The following IRAK1BP1 variants were observed in gnomAD, a reference collection of about 807,000 sequenced individuals.
IRAK1BP1 encodes the protein interleukin 1 receptor associated kinase 1 binding protein 1, also known as interleukin-1 receptor-associated kinase 1-binding protein 1.
A neutral mutation model predicts 28.0 loss-of-function variants in IRAK1BP1; 24 were observed. The ratio of observed to expected loss-of-function variants is 0.86; its 90% CI spans 0.62 to 1.20. IRAK1BP1 has a LOEUF of 1.20. Ranked by LOEUF, IRAK1BP1 falls within the 50% of genes most tolerant of loss-of-function variation. The pLI is 0.00. For missense variants in IRAK1BP1, 336 were observed against 316.7 expected, an observed-to-expected ratio of 1.06 and a Z score of -0.46; for synonymous variants, 131 against 116.3, an observed-to-expected ratio of 1.13 and a Z score of -0.81.
chr6:78,932,645 C>T (rs1773091163), intron 4 of IRAK1BP1, among the ~76,000 whole-genome samples: 1 of 152,016 alleles, frequency 6.6e-6, no homozygotes, highest in South Asian at 2.1e-4. Context: ...TCTTGAACTC[C>T]TGACCTCAGG....
rs919259345 is a variant in IRAK1BP1 at position 78,890,790 on chromosome 6, A to G, written c.381+5347A>G. Among the ~76,000 whole-genome samples, 73 of 152,198 alleles carry G rather than the reference A, an allele frequency of 4.8e-4. 1 individual carries two copies. Among genetic ancestry groups the G allele is most frequent in the Non-Finnish European group, 5.3e-4 (36 of 68,034 alleles). On this transcript the variant is annotated intron_variant, in intron 2 of 3. Coordinates refer to ENST00000369940, the MANE Select transcript of IRAK1BP1 (RefSeq NM_001010844.4). ...CTAGAAATCCTTACCTGGCCAAAAA[A>G]CAATGAAGGAGACGGTAATACAAGG...
chr6:78,968,545 T>C, the IRAK1BP1 span, among the ~76,000 whole-genome samples: 1 of 152,220 alleles, frequency 6.6e-6, no homozygotes, highest in Admixed American at 6.5e-5. Context: ...TTGGTATCCA[T>C]GGAGGTCCTG....
At chr6:78,933,324 C>G (rs772682248) in intron 4 of IRAK1BP1, among the ~76,000 whole-genome samples, 14 of 152,140 alleles carry the variant, frequency 9.2e-5, no homozygotes, top group Non-Finnish European at 1.9e-4. Flanking sequence ...TTTCCTTAAA[C>G]ATCATGAACC....
rs1270510993 is a variant in IRAK1BP1 at position 78,915,771 on chromosome 6, T to A, written c.*67+12661T>A. Among the ~76,000 whole-genome samples the A allele has an allele frequency of 2.0e-5, 3 of 152,232 alleles. No individual in the cohort carries two copies. In the East Asian group the frequency reaches 5.8e-4, roughly 29 times the overall value. On this transcript the variant is annotated intron_variant and NMD_transcript_variant, in intron 4 of 4. Coordinates refer to the IRAK1BP1 transcript ENST00000606868. ...GCCTTTCCTGGCTCCCTTCCCACTT[T>A]CTTTTGTAGGCATTTCTTTTATTAT... is the stretch of plus-strand genomic sequence containing the variant.
In IRAK1BP1 at chr6:78,898,869, T is replaced by C. The variant is rs1772000229; in HGVS notation, c.*535T>C. 6.6e-6 allele frequency: 1 copy of C among 152,170 alleles called. No homozygotes were observed. The highest frequency in any genetic ancestry group is 1.5e-5 in the Non-Finnish European group (1 of 68,034). The allele number at this position is 152,170 out of a possible 1,614,324, so 9.4% of individuals were successfully genotyped here. On this transcript the variant is annotated 3_prime_UTR_variant, in exon 4 of 4. Coordinates refer to ENST00000369940, the MANE Select transcript of IRAK1BP1 (RefSeq NM_001010844.4). ...AATACATAATTTTAAGTGCATCCTGTCAGGTCTGATATTTAATTTTACTTT... is the reference window on the plus strand; with the variant it reads ...AATACATAATTTTAAGTGCATCCTGCCAGGTCTGATATTTAATTTTACTTT...
rs562287473 is a variant in IRAK1BP1 at position 78,888,684 on chromosome 6, A to G, written c.381+3241A>G. Among the ~76,000 whole-genome samples the G allele has an allele frequency of 2.3e-4, 35 of 151,994 alleles. No homozygotes were observed. The South Asian group carries it at 6.2e-3, about 27-fold the overall frequency. The stretch of plus-strand genomic sequence containing the variant: ...AGGCACCTGGCTAATTTTTGTATTT[A>G]TAGTAGAGATGGGATTTCACCATGT... On this transcript the variant is annotated intron_variant, in intron 2 of 3. Coordinates refer to ENST00000369940, the MANE Select transcript of IRAK1BP1 (RefSeq NM_001010844.4).
chr6:78,971,799 C>T, the IRAK1BP1 span, among the ~76,000 whole-genome samples: 1 of 152,146 alleles, frequency 6.6e-6, no homozygotes, highest in African/African-American at 2.4e-5. Context: ...TCACTCCCAC[C>T]CGAATACTGC....
At chr6:78,970,573 A>G in the IRAK1BP1 span, among the ~76,000 whole-genome samples, 1 of 152,142 alleles carries the variant, frequency 6.6e-6, no homozygotes, top group Non-Finnish European at 1.5e-5. Context: ...CCCAACCCAT[A>G]AACTGCATTG....
the IRAK1BP1 span, chr6:78,957,895 T>G: frequency 6.6e-6 from 1 of 152,036 alleles, no homozygotes; most frequent in African/African-American, 2.4e-5. Flanking sequence ...AACTTGACTT[T>G]GAAGAAGAAT....
At chr6:78,935,240 T>G (rs1773227692) in intron 4 of IRAK1BP1, among the ~76,000 whole-genome samples, 1 of 152,170 alleles carries the variant, frequency 6.6e-6, no homozygotes, top group Non-Finnish European at 1.5e-5. Context: ...TAGAAATTTA[T>G]TATATACAAA....
At chr6:78,944,030 A>G (rs1773664691) in intron 4 of IRAK1BP1, among the ~76,000 whole-genome samples, 2 of 147,862 alleles carry the variant, frequency 1.4e-5, no homozygotes, top group East Asian at 4.0e-4. Flanking sequence ...GCTTGATTCT[A>G]TCTAAAGAAG....
chr6:78,885,602 A>G (rs575229275), intron 2 of IRAK1BP1, among the ~76,000 whole-genome samples, 159 bp downstream of exon 2: 9 of 152,272 alleles, frequency 5.9e-5, no homozygotes, highest in Non-Finnish European at 1.2e-4. Context: ...TTCGGCTTTT[A>G]AATAAACTTG....
At chr6:78,892,399 A>G (rs1466165745) in intron 2 of IRAK1BP1, among the ~76,000 whole-genome samples, 44 of 152,210 alleles carry the variant, frequency 2.9e-4, no homozygotes, top group Admixed American at 2.9e-3. Context: ...AATTCAGCTT[A>G]TAGTCATAAT....
intron 4 of IRAK1BP1, among the ~76,000 whole-genome samples, chr6:78,923,506 T>C (rs570359379): frequency 2.0e-5 from 3 of 152,250 alleles, no homozygotes; most frequent in Admixed American, 2.0e-4. Context: ...ATTAGACAGA[T>C]CATGAGACAG....
chr6:78,940,942 C>T, intron 4 of IRAK1BP1: 1 of 1,613,976 alleles, frequency 6.2e-7, no homozygotes, highest in Non-Finnish European at 8.5e-7. Context: ...GGTTACTTCT[C>T]CTTAACACTT....
the IRAK1BP1 span, among the ~76,000 whole-genome samples, chr6:78,952,470 G>A: frequency 6.7e-6 from 1 of 149,980 alleles, no homozygotes; most frequent in Non-Finnish European, 1.5e-5. Context: ...AAAATTCTTG[G>A]CCATTAGCTC....
chr6:78,878,119 C>T (rs1015240819), intron 1 of IRAK1BP1, among the ~76,000 whole-genome samples: 4 of 152,294 alleles, frequency 2.6e-5, no homozygotes, highest in Admixed American at 6.5e-5. Flanking sequence ...TTAAATGTAC[C>T]TGTCTGACAG....
downstream of IRAK1BP1, among the ~76,000 whole-genome samples, chr6:78,949,103 C>G (rs1773992690): frequency 6.6e-6 from 1 of 152,156 alleles, no homozygotes; most frequent in Admixed American, 6.5e-5. Context: ...CACCAGTAAA[C>G]ATGATATTAG....
chr6:78,963,079 G>T, the IRAK1BP1 span: 1 of 1,558,560 alleles, frequency 6.4e-7, no homozygotes, highest in Non-Finnish European at 8.7e-7. Flanking sequence ...TTCTATACTC[G>T]CGTGTTGCTT....
Sources: gnomAD v4.1 joint callset for allele counts (sites outside exome capture counted in the v4.1 genomes callset) on GRCh38, gnomAD v4.1.1 for gene constraint, MANE v1.5 for transcripts, NCBI Gene and HGNC (gene_info 2026-07-23, HGNC 2026-07-21) for gene names.